Variants in SYT10 observed in about 807,000 individuals in gnomAD.
SYT10 encodes the protein synaptotagmin 10, also known as synaptotagmin-10.
SYT10 carries 31 observed loss-of-function variants against 51.1 expected under a neutral mutation model. That is an observed-to-expected ratio of 0.61 (90% CI 0.46 to 0.82). The LOEUF is 0.82. Among genes scored for constraint, SYT10 ranks in the 40% least tolerant of loss-of-function variants. The probability of loss-of-function intolerance (pLI) is 0.00; values close to 1 mark genes in which losing one functional copy is unlikely to be tolerated. For synonymous variants in SYT10, 233 were observed against 225.9 expected, an observed-to-expected ratio of 1.03 and a Z score of -0.28; for missense variants, 603 against 634.0, an observed-to-expected ratio of 0.95 and a Z score of 0.53.
At chr12:33,409,071 C>G (rs10506109) in intron 2 of SYT10, among the ~76,000 whole-genome samples, 93,014 of 151,652 alleles carry the variant, frequency 0.61, 29,718 homozygotes, top group East Asian at 0.89. Context: ...TACTTAATAC[C>G]CAGTCAGTGC....
rs756313907 is a variant in SYT10 at position 33,382,364 on chromosome 12, A to G, written c.1355T>C (p.Val452Ala). The change falls in exon 5 of 7, where the codon GTC becomes GCC. Residue 452 changes from valine to alanine, a missense_variant. By Grantham distance (64) the Val-to-Ala change is moderately conservative. Transcript: ENST00000228567. ...ATACACATACCTATCGTAATCCATG[A>G]CCGCAATGGAGAGGCTGACCTGGTC... ...NVDQVSLSIAVMDYDRVGHNE... is the reference protein window; with the variant it reads ...NVDQVSLSIAAMDYDRVGHNE... 1.9e-6 allele frequency: 3 copies of G among 1,605,134 alleles called. No homozygotes were observed. Among genetic ancestry groups the G allele is most frequent in the Non-Finnish European group, 2.6e-6 (3 of 1,176,206 alleles).
chr12:33,395,543 G>A (rs1345899222), intron 3 of SYT10, among the ~76,000 whole-genome samples: 2 of 152,094 alleles, frequency 1.3e-5, no homozygotes, highest in Admixed American at 6.5e-5. Context: ...AATACACCAG[G>A]ACACAGCTGA....
chr12:33,438,961 G>A (rs115311076), intron 1 of SYT10, among the ~76,000 whole-genome samples: 1,630 of 152,322 alleles, frequency 0.011, 34 homozygotes, highest in African/African-American at 0.035. Context: ...CCGGTGGAAC[G>A]AGCGAGAGCA....
chr12:33,422,742 C>T lies in SYT10; in HGVS notation c.509+3396G>A, dbSNP rs182673613. Among the ~76,000 whole-genome samples, 509 of 152,082 alleles carry T rather than the reference C, an allele frequency of 3.3e-3. 3 individuals are homozygous for T. The highest frequency in any genetic ancestry group is 5.9e-3 in the Non-Finnish European group (398 of 68,004). On this transcript the variant is annotated intron_variant, in intron 2 of 6. Transcript: ENST00000228567. Reference sequence around the variant, plus strand: ...TCTGAATTTCCAGTTTCCTTCAACTCGGCTTAATGGCTCTTCTCCATGCCT... The same window carrying T: ...TCTGAATTTCCAGTTTCCTTCAACTTGGCTTAATGGCTCTTCTCCATGCCT...
chr12:33,406,098 T>A (rs1461453357), intron 3 of SYT10, among the ~76,000 whole-genome samples: 2 of 152,176 alleles, frequency 1.3e-5, no homozygotes, highest in East Asian at 3.9e-4. Flanking sequence ...ATATTAAATA[T>A]AATTGGTAGC....
intron 4 of SYT10, 94 bp from the exon 5 acceptor site, chr12:33,382,614 AC>A (rs1448359042): frequency 1.4e-5 from 17 of 1,178,996 alleles, no homozygotes; most frequent in Middle Eastern, 3.0e-4. Context: ...GACCTATAGT[AC>A]TAAGGCCTAT....
intron 1 of SYT10, among the ~76,000 whole-genome samples, chr12:33,431,158 A>T (rs1440219415): frequency 6.6e-6 from 1 of 152,196 alleles, no homozygotes; most frequent in Non-Finnish European, 1.5e-5. Flanking sequence ...GAAGAAGAAG[A>T]TGGAAAAAGG....
chr12:33,387,065 A>G (rs951783194), intron 3 of SYT10, among the ~76,000 whole-genome samples: 2 of 152,008 alleles, frequency 1.3e-5, no homozygotes, highest in African/African-American at 2.4e-5. Context: ...TGGCAGGTTT[A>G]CTTTTGGGGG....
chr12:33,434,434 TAAGA>T (rs955696716), intron 1 of SYT10, among the ~76,000 whole-genome samples: 4 of 152,200 alleles, frequency 2.6e-5, no homozygotes, highest in African/African-American at 9.6e-5. Flanking sequence ...GGTTATTAAG[TAAGA>T]CTCATTATCT....
At chr12:33,385,089 C>T in intron 4 of SYT10, 82 bp downstream of exon 4, 1 of 1,501,030 alleles carries the variant, frequency 6.7e-7, no homozygotes, top group East Asian at 2.4e-5. Flanking sequence ...GCAAATAATT[C>T]AGTAGTCATG....
At chr12:33,404,626 C>T (rs1471300783) in intron 3 of SYT10, among the ~76,000 whole-genome samples, 3 of 152,048 alleles carry the variant, frequency 2.0e-5, no homozygotes, top group East Asian at 1.9e-4. Flanking sequence ...CTCTTGACCT[C>T]GTGATCCACC....
chr12:33,412,302 T>C (rs1459170260), intron 2 of SYT10, among the ~76,000 whole-genome samples: 1 of 152,102 alleles, frequency 6.6e-6, no homozygotes, highest in Non-Finnish European at 1.5e-5. Flanking sequence ...ATAGGGTAAA[T>C]AGCACATATT....
At chr12:33,405,557 A>G (rs556098382) in intron 3 of SYT10, 1 of 152,236 alleles carries the variant, frequency 6.6e-6, no homozygotes, top group East Asian at 1.9e-4. Context: ...ATTTACAATG[A>G]CAATATAATT....
chr12:33,400,335 A>G (rs1219850580), intron 3 of SYT10, among the ~76,000 whole-genome samples: 4 of 152,232 alleles, frequency 2.6e-5, no homozygotes, highest in Non-Finnish European at 5.9e-5. Flanking sequence ...GTAATGTGTA[A>G]TAAAATATGT....
intron 2 of SYT10, among the ~76,000 whole-genome samples, chr12:33,413,480 AT>A (rs1434396722): frequency 6.6e-5 from 10 of 152,214 alleles, no homozygotes; most frequent in Non-Finnish European, 8.8e-5. Context: ...CTAACAGTGG[AT>A]CTCTCGGCAG....
intron 2 of SYT10, among the ~76,000 whole-genome samples, chr12:33,409,086 T>TTAATACG (rs1866383593): frequency 6.6e-6 from 1 of 152,098 alleles, no homozygotes; most frequent in Non-Finnish European, 1.5e-5. Flanking sequence ...CAGTGCACCC[T>TTAATACG]CAGAACACTC....
intron 4 of SYT10, 50 bp downstream of exon 4, chr12:33,385,121 A>C: frequency 6.3e-7 from 1 of 1,595,266 alleles, no homozygotes; most frequent in Non-Finnish European, 8.6e-7. Flanking sequence ...GATACATGAA[A>C]TATTTCATTT....
chr12:33,402,713 T>G (rs1866316900), intron 3 of SYT10, among the ~76,000 whole-genome samples: 1 of 152,168 alleles, frequency 6.6e-6, no homozygotes, highest in Non-Finnish European at 1.5e-5. Flanking sequence ...GAGAATGAAC[T>G]GTTCTAGGAA....
Position 33,374,918 on chromosome 12 carries a change from G to C in SYT10, c.*1912C>G, listed in dbSNP as rs769581697. 1 of 151,898 alleles carries C rather than the reference G, an allele frequency of 6.6e-6. No individual in the cohort carries two copies. Among genetic ancestry groups the C allele is most frequent in the Non-Finnish European group, 1.5e-5 (1 of 67,860 alleles). 9.4% of individuals were successfully genotyped at this position (151,898 alleles called of 1,614,324 possible). On this transcript the variant is annotated 3_prime_UTR_variant, in exon 7 of 7. Coordinates refer to ENST00000228567, the MANE Select transcript of SYT10 (RefSeq NM_198992.4). Reference sequence around the variant, plus strand: ...AAACGTAATTGCTAATTTACTTTAAGCTGCAGTTATATCTACTAATAAAAC... The same window carrying C: ...AAACGTAATTGCTAATTTACTTTAACCTGCAGTTATATCTACTAATAAAAC...
Sources: allele counts gnomAD v4.1 joint callset (sites outside exome capture counted in the v4.1 genomes callset), GRCh38; gene constraint gnomAD v4.1.1; transcripts MANE v1.5; gene names NCBI Gene and HGNC (gene_info 2026-07-23, HGNC 2026-07-21).